MYO1D: variants seen among roughly 807,000 people sequenced by gnomAD.
MYO1D encodes the protein unconventional myosin-Id.
In MYO1D, 83 loss-of-function variants were observed where a neutral mutation model predicts 122.0. The ratio of observed to expected loss-of-function variants is 0.68; its 90% CI spans 0.57 to 0.82. The LOEUF is 0.82. Ranked by LOEUF, MYO1D falls within the 40% of genes least tolerant of loss-of-function variation. MYO1D has a pLI of 0.00. For synonymous variants in MYO1D, 464 were observed against 446.9 expected (o/e 1.04, Z -0.48); for missense variants, 1,157 against 1,269.5 (o/e 0.91, Z 1.35).
chr17:32,686,444 C>T (rs1261708157), intron 16 of MYO1D: 1 of 152,180 alleles, frequency 6.6e-6, no homozygotes, highest in East Asian at 1.9e-4. Context: ...AACCTTCCTC[C>T]AGAACTGTGA....
At chr17:32,661,656 A>C (rs562522988) in intron 16 of MYO1D, among the ~76,000 whole-genome samples, 49 of 12,566 alleles carry the variant, frequency 3.9e-3, no homozygotes, top group Middle Eastern at 0.12. Context: ...ACCCTGTCCC[A>C]AAAAAAAAAA....
chr17:32,691,510 G>A lies in MYO1D; in HGVS notation c.2121+20478C>T, dbSNP rs1481869320. ...CAACCTCTGCCTCCTGGGTTCAAGC[G>A]ATTCTCCTGCCTCAGCCTCCCGAGT... is the stretch of plus-strand genomic sequence containing the variant. On this transcript the variant is annotated intron_variant, in intron 16 of 21. Transcript: ENST00000318217. 7.3e-5 allele frequency among the ~76,000 whole-genome samples: 11 copies of A among 150,158 alleles called. 1 individual carries two copies. The highest frequency in any genetic ancestry group is 6.9e-3 in the Middle Eastern group (2 of 290).
At chr17:32,832,913 A>G (rs939765270) in intron 1 of MYO1D, among the ~76,000 whole-genome samples, 3 of 152,216 alleles carry the variant, frequency 2.0e-5, no homozygotes, top group Non-Finnish European at 4.4e-5. Flanking sequence ...TGCCTACAAA[A>G]CAATCTGAAA....
intron 13 of MYO1D, among the ~76,000 whole-genome samples, chr17:32,742,933 T>C (rs2089789121): frequency 6.6e-6 from 1 of 152,244 alleles, no homozygotes; most frequent in South Asian, 2.1e-4. Context: ...AAACCAGTGT[T>C]GTCAAGAGTC....
At chr17:32,821,752 TGAAA>T (rs1391097748) in intron 1 of MYO1D, among the ~76,000 whole-genome samples, 13 of 152,150 alleles carry the variant, frequency 8.5e-5, no homozygotes, top group Non-Finnish European at 1.3e-4. Flanking sequence ...GTTCAAAAAG[TGAAA>T]GAAAGAGACA....
chr17:32,876,851 C>A lies in MYO1D; in HGVS notation c.22G>T (p.Glu8Ter). 1 of 1,512,188 alleles carries A rather than the reference C, an allele frequency of 6.6e-7. No individual in the cohort carries two copies. The highest frequency in any genetic ancestry group is 1.3e-5 in the South Asian group (1 of 79,948). The allele number at this position is 1,512,188 out of a possible 1,614,324, so 93.7% of individuals were successfully genotyped here. A position where few individuals can be genotyped will look rare whatever the true frequency, so the allele number is the denominator to read the frequency against. The change falls in exon 1 of 22, where the codon GAA becomes TAA. Residue 8 changes from glutamate to a stop codon, truncating the protein, a stop_gained. Coordinates refer to ENST00000318217, the MANE Select transcript of MYO1D (RefSeq NM_015194.3). LOFTEE classifies it high-confidence loss of function. ...AGCACGAAGTCTGCCTTGCCGAATT[C>A]CAGGCTCTCCTGCTCCGCCATGGCG... is the stretch of plus-strand genomic sequence containing the variant. MAEQESL[E>*]FGKADFVLMD...
chr17:32,584,466 T>C (rs1020235740), intron 21 of MYO1D, among the ~76,000 whole-genome samples: 3 of 152,154 alleles, frequency 2.0e-5, no homozygotes, highest in Non-Finnish European at 4.4e-5. Flanking sequence ...GTAGTAATAT[T>C]TCCACTGCCA....
intron 15 of MYO1D, among the ~76,000 whole-genome samples, chr17:32,717,586 A>C (rs1204386598): frequency 6.6e-6 from 1 of 152,200 alleles, no homozygotes; most frequent in African/African-American, 2.4e-5. Context: ...TATGCCAGAA[A>C]ATGCTGTTTA....
chr17:32,507,104 A>T (rs1463755629), intron 21 of MYO1D, among the ~76,000 whole-genome samples: 1 of 152,256 alleles, frequency 6.6e-6, no homozygotes, highest in African/African-American at 2.4e-5. Context: ...CAATCATAGT[A>T]AAAGTAAAAA....
intron 21 of MYO1D, among the ~76,000 whole-genome samples, chr17:32,511,597 G>A (rs980827824): frequency 1.4e-5 from 2 of 141,810 alleles, no homozygotes; most frequent in African/African-American, 2.7e-5. Flanking sequence ...CGCCTTTGCT[G>A]TATTGAACTT....
intron 1 of MYO1D, among the ~76,000 whole-genome samples, chr17:32,843,126 G>C (rs569135034): frequency 1.3e-4 from 20 of 152,180 alleles, no homozygotes; most frequent in Admixed American, 1.2e-3. Flanking sequence ...CTGACCTCAA[G>C]TGATCCGCCC....
intron 21 of MYO1D, among the ~76,000 whole-genome samples, chr17:32,555,910 C>A (rs1482590675): frequency 6.6e-6 from 1 of 152,228 alleles, no homozygotes; most frequent in Non-Finnish European, 1.5e-5. Flanking sequence ...CGAGCCTGAG[C>A]TGAAGTGTCA....
chr17:32,697,479 G>A (rs1024559624), intron 16 of MYO1D, among the ~76,000 whole-genome samples: 3 of 152,184 alleles, frequency 2.0e-5, no homozygotes, highest in Middle Eastern at 3.4e-3. Flanking sequence ...CTAGCATTGG[G>A]GGCAACCTCT....
chr17:32,849,781 T>C (rs2090970245), intron 1 of MYO1D, among the ~76,000 whole-genome samples: 1 of 149,790 alleles, frequency 6.7e-6, no homozygotes, highest in South Asian at 2.2e-4. Context: ...ACCTGCACAA[T>C]GTGCACATGT....
At chr17:32,846,357 C>T (rs1335705370) in intron 1 of MYO1D, among the ~76,000 whole-genome samples, 1 of 152,180 alleles carries the variant, frequency 6.6e-6, no homozygotes, top group Non-Finnish European at 1.5e-5. Flanking sequence ...ATAGTTATAG[C>T]TCATCAGCAT....
At chr17:32,526,074 T>C (rs922439790) in intron 21 of MYO1D, among the ~76,000 whole-genome samples, 10 of 152,238 alleles carry the variant, frequency 6.6e-5, no homozygotes, top group Non-Finnish European at 1.3e-4. Flanking sequence ...TTTAGGAGCC[T>C]TTCCGATCTT....
intron 16 of MYO1D, among the ~76,000 whole-genome samples, chr17:32,676,700 AGAG>A (rs1430889210): frequency 6.6e-6 from 1 of 152,196 alleles, no homozygotes; most frequent in Non-Finnish European, 1.5e-5. Flanking sequence ...ACGGCTGAAT[AGAG>A]GTTTCATGTT....
At chr17:32,615,730 C>T (rs1233871664) in intron 20 of MYO1D, among the ~76,000 whole-genome samples, 1 of 152,188 alleles carries the variant, frequency 6.6e-6, no homozygotes, top group African/African-American at 2.4e-5. Context: ...ATCTTCCAGA[C>T]AGACTAAACG....
At chr17:32,860,195 C>G (rs576513092) in intron 1 of MYO1D, among the ~76,000 whole-genome samples, 1 of 152,272 alleles carries the variant, frequency 6.6e-6, no homozygotes, top group East Asian at 1.9e-4. Flanking sequence ...AGGGCAAAAC[C>G]AAGGGAATCA....
Sources: gnomAD v4.1 joint callset for allele counts (sites outside exome capture counted in the v4.1 genomes callset) on GRCh38, gnomAD v4.1.1 for gene constraint, MANE v1.5 for transcripts, NCBI Gene and HGNC (gene_info 2026-07-23, HGNC 2026-07-21) for gene names.